ROS1: variants seen among roughly 807,000 people sequenced by gnomAD.
The protein encoded by ROS1 is proto-oncogene tyrosine-protein kinase ROS.
Under a neutral mutation model 273.5 loss-of-function variants are expected in ROS1, and 263 were observed. That is an observed-to-expected ratio of 0.96 (90% CI 0.87 to 1.06). ROS1 has a LOEUF of 1.06. Ranked by LOEUF, ROS1 falls within the 50% of genes least tolerant of loss-of-function variation. The pLI is 0.00. For missense variants in ROS1, 2,833 were observed against 2,751.1 expected (o/e 1.03, Z -0.67); for synonymous variants, 1,008 against 954.1 (o/e 1.06, Z -1.04).
At chr6:117,329,113 G>A (rs1028478071) in intron 33 of ROS1, among the ~76,000 whole-genome samples, 5 of 152,232 alleles carry the variant, frequency 3.3e-5, no homozygotes, top group African/African-American at 1.2e-4. Flanking sequence ...TGAGCAGTTA[G>A]AGATTTCTGA....
intron 25 of ROS1, 95 bp downstream of exon 25, chr6:117,357,709 C>CA: frequency 1.2e-6 from 1 of 819,394 alleles, no homozygotes; most frequent in South Asian, 1.9e-5. Flanking sequence ...TCTTATTTTT[C>CA]CATAATTGTC....
At position 117,287,873 on chromosome 6, in the gene ROS1, G is replaced by A. The variant is rs897487617; in HGVS notation, c.*619C>T. Among the ~76,000 whole-genome samples, 1 of 149,310 alleles carries A rather than the reference G, an allele frequency of 6.7e-6. No homozygotes were observed. Among genetic ancestry groups the A allele is most frequent in the Admixed American group, 6.7e-5 (1 of 14,898 alleles). Reference sequence around the variant, plus strand: ...AGGTGGAGTTTGCAGTGCCGAGATCGTGCCATTGAACTCCAGCCTGGGCAA... The same window carrying A: ...AGGTGGAGTTTGCAGTGCCGAGATCATGCCATTGAACTCCAGCCTGGGCAA... On this transcript the variant is annotated 3_prime_UTR_variant, in exon 44 of 44. Transcript: ENST00000368507.
intron 42 of ROS1, among the ~76,000 whole-genome samples, chr6:117,306,950 TG>T (rs1399820546): frequency 1.4e-4 from 21 of 152,164 alleles, no homozygotes; most frequent in Non-Finnish European, 2.9e-5. Context: ...GATGTTCAAA[TG>T]AACTTCAAAA....
At chr6:117,324,050 G>C (rs1048258993) in intron 35 of ROS1, among the ~76,000 whole-genome samples, 8 of 152,116 alleles carry the variant, frequency 5.3e-5, no homozygotes, top group Non-Finnish European at 8.8e-5. Flanking sequence ...AATAAATACT[G>C]TTTTAAAGAA....
chr6:117,325,980 A>G (rs1267300783), intron 34 of ROS1, among the ~76,000 whole-genome samples: 1 of 151,408 alleles, frequency 6.6e-6, no homozygotes, highest in Non-Finnish European at 1.5e-5. Flanking sequence ...ATGTGGTAGG[A>G]ATTAAGGGGG....
chr6:117,293,074 C>G (rs1421815626), intron 43 of ROS1, among the ~76,000 whole-genome samples: 3 of 152,082 alleles, frequency 2.0e-5, no homozygotes, highest in African/African-American at 7.2e-5. Context: ...CATAGGATAC[C>G]TCAGCTTCTC....
chr6:117,294,783 A>G (rs1280020601), intron 43 of ROS1, among the ~76,000 whole-genome samples: 2 of 152,204 alleles, frequency 1.3e-5, no homozygotes, highest in African/African-American at 4.8e-5. Context: ...AAGGGAAACT[A>G]CAAAACACTG....
intron 39 of ROS1, among the ~76,000 whole-genome samples, chr6:117,313,678 C>T (rs892825854): frequency 1.3e-5 from 2 of 152,094 alleles, no homozygotes; most frequent in Non-Finnish European, 2.9e-5. Flanking sequence ...ACTAAGCTTT[C>T]CGGGCCTAGC....
chr6:117,326,558 G>C (rs542750206), intron 33 of ROS1, 144 bp from the exon 34 acceptor site: 1 of 545,144 alleles, frequency 1.8e-6, no homozygotes, highest in South Asian at 2.8e-5. Context: ...CCATAATCTG[G>C]CAACACAGAT....
At chr6:117,344,035 C>CA in intron 28 of ROS1, 25 bp downstream of exon 28, 1 of 1,563,044 alleles carries the variant, frequency 6.4e-7, no homozygotes, top group Admixed American at 1.7e-5. Flanking sequence ...TGTGAAAAGA[C>CA]AAAGACCACT....
Position 117,344,122 on chromosome 6 carries a change from G to A in ROS1, c.4444C>T (p.Leu1482=), listed in dbSNP as rs778133999. The A allele has an allele frequency of 5.6e-6, 9 of 1,613,920 alleles. No individual in the cohort carries two copies. The highest frequency in any genetic ancestry group is 1.3e-5 in the African/African-American group (1 of 74,920). The change falls in exon 28 of 44, where the codon CTG becomes TTG. Residue 1482 remains leucine, a synonymous_variant. Coordinates refer to ENST00000368507, the MANE Select transcript of ROS1 (RefSeq NM_001378902.1). The part of the protein sequence containing the change: ...YGITSPTPTY[L]VYYAEVNDRK... The stretch of plus-strand genomic sequence containing the variant: ...TCATTAACTTCTGCATAATAAACCA[G>A]GTATGTTGGAGTAGGGCTGGTGATG...
Position 117,403,021 on chromosome 6 carries a change from T to C in ROS1, c.604+118A>G, listed in dbSNP as rs564868894. ...ACCTGGCACATAGTTATGTACCCAG[T>C]TGTTGAATGGATCGATTAATAGGAA... On this transcript the variant is annotated intron_variant, in intron 7 of 43. Transcript: ENST00000368507. The C allele has an allele frequency of 3.5e-4, 394 of 1,130,008 alleles. 1 individual carries two copies. The highest frequency in any genetic ancestry group is 9.0e-5 in the Non-Finnish European group (69 of 766,216). 70.0% of individuals were successfully genotyped at this position (1,130,008 alleles called of 1,614,324 possible). A position where few individuals can be genotyped will look rare whatever the true frequency, so the allele number is the denominator to read the frequency against.
At chr6:117,346,658 C>G (rs1379626120) in intron 27 of ROS1, among the ~76,000 whole-genome samples, 1 of 152,024 alleles carries the variant, frequency 6.6e-6, no homozygotes, top group African/African-American at 2.4e-5. Context: ...CCAGATACTC[C>G]TTTTCTCCAC....
Position 117,383,397 on chromosome 6 carries a change from G to C in ROS1, c.2401C>G (p.Leu801Val). ...SVGGYLYWTT[L>V]YSVESTRLNG... ...AGTCTGGTGCTTTCCACTGAATAGA[G>C]TGTGGTCCAGTAGAGATATCCACCA... The change falls in exon 17 of 44, where the codon CTC (leucine) becomes GTC (valine). Residue 801 changes from leucine (L) to valine (V), a missense_variant. By Grantham distance (32) the Leu-to-Val change is conservative. Transcript: ENST00000368507. 1 of 1,613,968 alleles carries C rather than the reference G, an allele frequency of 6.2e-7. No homozygotes were observed. Among genetic ancestry groups the C allele is most frequent in the South Asian group, 1.1e-5 (1 of 91,074 alleles).
chr6:117,337,230 C>T lies in ROS1; in HGVS notation c.5172G>A (p.Val1724=), dbSNP rs751835336. 6 of 1,612,646 alleles carry T rather than the reference C, an allele frequency of 3.7e-6. No individual in the cohort carries two copies. Among genetic ancestry groups the T allele is most frequent in the Non-Finnish European group, 2.5e-6 (3 of 1,179,128 alleles). ...TATTTTCTCCCGTCTTATAAACCACCACTACTCTGACATTATATGAAGTAT... is the reference window on the plus strand; with the variant it reads ...TATTTTCTCCCGTCTTATAAACCACTACTACTCTGACATTATATGAAGTAT... ...QPYTSYNVRV[V]VVYKTGENST... Residue 1724 remains valine, a synonymous_variant, in exon 32 of 44, where the codon GTG becomes GTA. Transcript: ENST00000368507.
intron 15 of ROS1, among the ~76,000 whole-genome samples, chr6:117,386,649 C>T (rs1477379074): frequency 3.3e-5 from 5 of 152,208 alleles, no homozygotes; most frequent in Non-Finnish European, 7.3e-5. Flanking sequence ...TATATCAAAG[C>T]CTTCCTGGTG....
intron 32 of ROS1, among the ~76,000 whole-genome samples, chr6:117,333,775 A>C (rs996346227): frequency 2.6e-5 from 4 of 152,236 alleles, no homozygotes; most frequent in Non-Finnish European, 4.4e-5. Flanking sequence ...AAGGCCTTTG[A>C]TAAAATTCAA....
At chr6:117,385,655 G>A in intron 16 of ROS1, 28 bp downstream of exon 16, 1 of 1,601,138 alleles carries the variant, frequency 6.2e-7, no homozygotes, top group Non-Finnish European at 8.5e-7. Flanking sequence ...TCATTCTAGA[G>A]CATCCAGAAT....
intron 39 of ROS1, among the ~76,000 whole-genome samples, chr6:117,315,255 T>C (rs1775837082): frequency 6.6e-6 from 1 of 151,848 alleles, no homozygotes; most frequent in African/African-American, 2.4e-5. Flanking sequence ...AGAGAGCAGC[T>C]AATAGAATGA....
Sources: gnomAD v4.1 joint callset for allele counts (sites outside exome capture counted in the v4.1 genomes callset) on GRCh38, gnomAD v4.1.1 for gene constraint, MANE v1.5 for transcripts, NCBI Gene and HGNC (gene_info 2026-07-23, HGNC 2026-07-21) for gene names.